The following ASB18 variants were observed in gnomAD, a reference collection of about 807,000 sequenced individuals.
The protein encoded by ASB18 is ankyrin repeat and SOCS box protein 18.
ASB18 carries 33 observed loss-of-function variants against 33.4 expected under a neutral mutation model. The observed-to-expected ratio is 0.99, with a 90% CI of 0.75 to 1.32. ASB18 has a LOEUF of 1.32. Among genes scored for constraint, ASB18 ranks in the 40% most tolerant of loss-of-function variants. ASB18 has a pLI of 0.00. For missense variants in ASB18, 694 were observed against 655.5 expected (o/e 1.06, Z -0.64); for synonymous variants, 295 against 307.6 (o/e 0.96, Z 0.43).
In ASB18 at chr2:236,241,950, G is replaced by C. The variant is rs567155428; in HGVS notation, c.206-548C>G. ...CTTACAAAAATGACTTTGGTGACCA[G>C]AATACTTAGCAAATAAGTAATATCC... is the stretch of plus-strand genomic sequence containing the variant. On this transcript the variant is annotated intron_variant, in intron 1 of 5. Transcript: ENST00000409749. The surrounding 1 kb of genome is among the most constrained non-coding windows in gnomAD (Gnocchi z 4.2). 3.3e-5 allele frequency among the ~76,000 whole-genome samples: 5 copies of C among 152,070 alleles called. No individual in the cohort carries two copies. The highest frequency in any genetic ancestry group is 2.0e-4 in the Admixed American group (3 of 15,258).
rs555531384 is a variant in ASB18 at position 236,231,060 on chromosome 2, T to C, written c.596+6629A>G. 2.6e-5 allele frequency among the ~76,000 whole-genome samples: 4 copies of C among 152,298 alleles called. No individual in the cohort carries two copies. Among genetic ancestry groups the C allele is most frequent in the African/African-American group, 9.6e-5 (4 of 41,564 alleles). ...TAGCATGGTCCCCCACTGAAGTCTA[T>C]CTTCTGGTGTCCATGCTCTTCTCTC... On this transcript the variant is annotated intron_variant, in intron 3 of 5. Coordinates refer to ENST00000409749, the MANE Select transcript of ASB18 (RefSeq NM_212556.4). This position sits in a 1 kb window ranked among gnomAD's most constrained non-coding sequence, Gnocchi z 5.5.
At position 236,215,847 on chromosome 2, in the gene ASB18, A is replaced by G. The variant is rs1270697315; in HGVS notation, c.597-981T>C. Among the ~76,000 whole-genome samples, 1 of 152,160 alleles carries G rather than the reference A, an allele frequency of 6.6e-6. No individual in the cohort carries two copies. Among genetic ancestry groups the G allele is most frequent in the African/African-American group, 2.4e-5 (1 of 41,426 alleles). On this transcript the variant is annotated intron_variant, in intron 3 of 5. Transcript: ENST00000409749. The surrounding 1 kb of genome is among the most constrained non-coding windows in gnomAD (Gnocchi z 7.2). ...CACCTGCCATCGATAAGGCCGCTCC[A>G]GCCTTGGAAGTCTGCAAACATGCCG...
rs1488548599 is a variant in ASB18 at position 236,252,308 on chromosome 2, C to CACAG, written c.206-10907_206-10906insCTGT. Among the ~76,000 whole-genome samples, 1 of 146,864 alleles carries CACAG rather than the reference C, an allele frequency of 6.8e-6. No homozygotes were observed. The highest frequency in any genetic ancestry group is 1.5e-5 in the Non-Finnish European group (1 of 67,420). On this transcript the variant is annotated intron_variant, in intron 1 of 5. Coordinates refer to ENST00000409749, the MANE Select transcript of ASB18 (RefSeq NM_212556.4). The surrounding 1 kb of genome is among the most constrained non-coding windows in gnomAD (Gnocchi z 7.9). ...ACACACACACACACACACACACACA[C>CACAG]AGTAGAAATCCTTGCCTTTAAGGAG...
intron 1 of ASB18, among the ~76,000 whole-genome samples, chr2:236,261,108 C>T (rs920247846): frequency 6.6e-6 from 1 of 152,306 alleles, no homozygotes; most frequent in Admixed American, 6.5e-5. Context: ...TCACCACAAC[C>T]TTCCCATTGA....
rs369923947 is a variant in ASB18, at chr2:236,250,052, G to A, written c.206-8650C>T. 24 of 152,298 alleles carry A rather than the reference G, an allele frequency of 1.6e-4. No individual in the cohort carries two copies. In the East Asian group the frequency reaches 4.4e-3, roughly 28 times the overall value. 9.4% of individuals were successfully genotyped at this position (152,298 alleles called of 1,614,324 possible). ...AGGTAGCTAATGAGAAGGAGTTTTT[G>A]CCTCTGGATCAAATGAGATGAAAAG... On this transcript the variant is annotated intron_variant, in intron 1 of 5. Coordinates refer to ENST00000409749, the MANE Select transcript of ASB18 (RefSeq NM_212556.4). This position sits in a 1 kb window ranked among gnomAD's most constrained non-coding sequence, Gnocchi z 4.1.
Position 236,196,447 on chromosome 2 carries a change from A to G in ASB18, c.1102-62T>C. The G allele has an allele frequency of 5.4e-5, 37 of 683,822 alleles. No individual in the cohort carries two copies. The highest frequency in any genetic ancestry group is 7.5e-5 in the Non-Finnish European group (29 of 386,826). 42.4% of individuals were successfully genotyped at this position (683,822 alleles called of 1,614,324 possible). ...CTGGGTTCTGGGTCTCAGTGGGGAAAGGGTGGGGGGTGTGGGGGGATGCTC... is the reference window on the plus strand; with the variant it reads ...CTGGGTTCTGGGTCTCAGTGGGGAAGGGGTGGGGGGTGTGGGGGGATGCTC... On this transcript the variant is annotated intron_variant, in intron 4 of 5. Transcript: ENST00000409749. This position sits in a 1 kb window ranked among gnomAD's most constrained non-coding sequence, Gnocchi z 5.6.
In ASB18 at chr2:236,228,586, T is replaced by C. The variant is rs2060551306; in HGVS notation, c.596+9103A>G. Reference sequence around the variant, plus strand: ...AAATATGTCAAATATTTTGTGTGCATAGAGGTTGAGAGTGTGGGCTGGTGG... The same window carrying C: ...AAATATGTCAAATATTTTGTGTGCACAGAGGTTGAGAGTGTGGGCTGGTGG... On this transcript the variant is annotated intron_variant, in intron 3 of 5. Transcript: ENST00000409749. This position sits in a 1 kb window ranked among gnomAD's most constrained non-coding sequence, Gnocchi z 5.1. Among the ~76,000 whole-genome samples the C allele has an allele frequency of 6.6e-6, 1 of 152,176 alleles. No homozygotes were observed. The highest frequency in any genetic ancestry group is 6.5e-5 in the Admixed American group (1 of 15,268).
In ASB18 at chr2:236,253,602, G is replaced by T. The variant is rs6754608; in HGVS notation, c.205+10539C>A. ...GGGGTCTCACTGTGTTGCCCAGGCT[G>T]GTCTCTAACTCCTGGCCTCAAGTGA... On this transcript the variant is annotated intron_variant, in intron 1 of 5. Transcript: ENST00000409749. The surrounding 1 kb of genome is among the most constrained non-coding windows in gnomAD (Gnocchi z 5.4). 0.033 allele frequency among the ~76,000 whole-genome samples: 5,004 copies of T among 151,844 alleles called. 273 individuals carry two copies. Among genetic ancestry groups the T allele is most frequent in the African/African-American group, 0.11 (4,598 of 41,350 alleles).
At chr2:236,197,183 C>T (rs535960176) in intron 4 of ASB18, among the ~76,000 whole-genome samples, 1 of 151,986 alleles carries the variant, frequency 6.6e-6, no homozygotes, top group South Asian at 2.1e-4. Flanking sequence ...TTTATATGAC[C>T]CTTTGAAGAA....
rs1262446843 is a variant in ASB18, at chr2:236,203,721, G to A, written c.1102-7336C>T. On this transcript the variant is annotated intron_variant, in intron 4 of 5. Coordinates refer to ENST00000409749, the MANE Select transcript of ASB18 (RefSeq NM_212556.4). The surrounding 1 kb of genome is among the most constrained non-coding windows in gnomAD (Gnocchi z 6.0). Reference sequence around the variant, plus strand: ...TTTCTACAAAAAATACAAAAACTTAGCTGGGTGTGATGGTGTGCATCTGTA... The same window carrying A: ...TTTCTACAAAAAATACAAAAACTTAACTGGGTGTGATGGTGTGCATCTGTA... 6.6e-6 allele frequency among the ~76,000 whole-genome samples: 1 copy of A among 152,246 alleles called. No homozygotes were observed.
chr2:236,254,047 G>T (rs1250646132), intron 1 of ASB18: 2 of 152,086 alleles, frequency 1.3e-5, no homozygotes, highest in Non-Finnish European at 1.5e-5. Context: ...TAAAGTGCCA[G>T]ACAGTAAATA....
In ASB18 at chr2:236,215,551, G is replaced by A. The variant is rs973628286; in HGVS notation, c.597-685C>T. Among the ~76,000 whole-genome samples the A allele has an allele frequency of 1.6e-4, 25 of 152,164 alleles. No homozygotes were observed. Among genetic ancestry groups the A allele is most frequent in the African/African-American group, 5.3e-4 (22 of 41,504 alleles). ...CTTCTAGACCCCCATGGGAGCCTGC[G>A]GTCTTCCCCAGAGACGAGTGTCTTC... On this transcript the variant is annotated intron_variant, in intron 3 of 5. Transcript: ENST00000409749. This position sits in a 1 kb window ranked among gnomAD's most constrained non-coding sequence, Gnocchi z 7.2.
rs2106270225 is a variant in ASB18, at chr2:236,217,419, A to AG, written c.597-2554_597-2553insC. Among the ~76,000 whole-genome samples the AG allele has an allele frequency of 8.4e-6, 1 of 119,400 alleles. No individual in the cohort carries two copies. Among genetic ancestry groups the AG allele is most frequent in the African/African-American group, 4.9e-5 (1 of 20,574 alleles). 78.3% of individuals were successfully genotyped at this position (119,400 alleles called of 152,430 possible). ...CAGAGCGAGACTCTGTCTCAAAAAA[A>AG]AAAAAAAATAAATCTTGGCACCTTC... On this transcript the variant is annotated intron_variant, in intron 3 of 5. Transcript: ENST00000409749. This position sits in a 1 kb window ranked among gnomAD's most constrained non-coding sequence, Gnocchi z 5.2.
rs1444882372 is a variant in ASB18, at chr2:236,252,526, G to A, written c.206-11124C>T. 6.6e-6 allele frequency among the ~76,000 whole-genome samples: 1 copy of A among 152,112 alleles called. No homozygotes were observed. Among genetic ancestry groups the A allele is most frequent in the Non-Finnish European group, 1.5e-5 (1 of 68,000 alleles). ...TGACAGGGAGGTGTAGGACACGGAA[G>A]GTGCATTTCCTCCCCAGGATGTCTG... On this transcript the variant is annotated intron_variant, in intron 1 of 5. Coordinates refer to ENST00000409749, the MANE Select transcript of ASB18 (RefSeq NM_212556.4). The surrounding 1 kb of genome is among the most constrained non-coding windows in gnomAD (Gnocchi z 7.9).
intron 4 of ASB18, among the ~76,000 whole-genome samples, chr2:236,202,142 G>A (rs1437658196): frequency 6.6e-6 from 1 of 151,904 alleles, no homozygotes; most frequent in African/African-American, 2.4e-5. Flanking sequence ...GTAGAGATGG[G>A]GTTTCACCAT....
rs1441826010 is a variant in ASB18 at position 236,209,755 on chromosome 2, C to T, written c.1101+4607G>A. Among the ~76,000 whole-genome samples, 2 of 152,216 alleles carry T rather than the reference C, an allele frequency of 1.3e-5. No individual in the cohort carries two copies. Among genetic ancestry groups the T allele is most frequent in the East Asian group, 1.9e-4 (1 of 5,198 alleles). Reference sequence around the variant, plus strand: ...CCTTGAAAATGATGTAATCAACTCCCAATATTCCAAAGTCAGAGGCCCAGG... The same window carrying T: ...CCTTGAAAATGATGTAATCAACTCCTAATATTCCAAAGTCAGAGGCCCAGG... On this transcript the variant is annotated intron_variant, in intron 4 of 5. Coordinates refer to ENST00000409749, the MANE Select transcript of ASB18 (RefSeq NM_212556.4). This position sits in a 1 kb window ranked among gnomAD's most constrained non-coding sequence, Gnocchi z 4.4.
In ASB18 at chr2:236,219,951, T is replaced by G. The variant is rs1322314482; in HGVS notation, c.597-5085A>C. On this transcript the variant is annotated intron_variant, in intron 3 of 5. Transcript: ENST00000409749. This position sits in a 1 kb window ranked among gnomAD's most constrained non-coding sequence, Gnocchi z 6.4. ...TCTTGCAAGGATTAAGGAGACACCA[T>G]GTTGTCTCAACAGCTTCTGATATGA... is the stretch of plus-strand genomic sequence containing the variant. Among the ~76,000 whole-genome samples the G allele has an allele frequency of 6.6e-6, 1 of 152,214 alleles. No homozygotes were observed. The highest frequency in any genetic ancestry group is 2.4e-5 in the African/African-American group (1 of 41,460).
At position 236,222,460 on chromosome 2, in the gene ASB18, C is replaced by T. The variant is rs1223048220; in HGVS notation, c.597-7594G>A. On this transcript the variant is annotated intron_variant, in intron 3 of 5. Coordinates refer to ENST00000409749, the MANE Select transcript of ASB18 (RefSeq NM_212556.4). The surrounding 1 kb of genome is among the most constrained non-coding windows in gnomAD (Gnocchi z 5.5). Reference sequence around the variant, plus strand: ...ATGATATTTTGGGCAAATTCTCTCCCCATTGTAAATGGAAACTTGGCAAAC... The same window carrying T: ...ATGATATTTTGGGCAAATTCTCTCCTCATTGTAAATGGAAACTTGGCAAAC... Among the ~76,000 whole-genome samples the T allele has an allele frequency of 1.3e-5, 2 of 152,138 alleles. No individual in the cohort carries two copies. The highest frequency in any genetic ancestry group is 2.9e-5 in the Non-Finnish European group (2 of 68,026).
At chr2:236,206,921 C>G (rs1487508946) in intron 4 of ASB18, among the ~76,000 whole-genome samples, 1 of 152,228 alleles carries the variant, frequency 6.6e-6, no homozygotes, top group Non-Finnish European at 1.5e-5. Context: ...GGGCTACCCA[C>G]TGGGGACTGG....
Sources: gnomAD v4.1 joint callset for allele counts (sites outside exome capture counted in the v4.1 genomes callset) on GRCh38, gnomAD v4.1.1 for gene constraint, Gnocchi (gnomAD v3.1) non-coding constraint, MANE v1.5 for transcripts, NCBI Gene and HGNC (gene_info 2026-07-23, HGNC 2026-07-21) for gene names.